ATP8A1: variants seen among roughly 807,000 people sequenced by gnomAD.
ATP8A1 encodes ATPase phospholipid transporting 8A1.
ATP8A1 carries 90 observed loss-of-function variants against 177.7 expected under a neutral mutation model. That is an observed-to-expected ratio of 0.51 (90% confidence interval 0.43 to 0.60). ATP8A1 has a LOEUF of 0.60. ATP8A1 is among the 20% of genes least tolerant of loss of function. The probability of loss-of-function intolerance (pLI) is 0.00; values close to 1 mark genes in which losing one functional copy is unlikely to be tolerated. For missense variants in ATP8A1, 1,072 were observed against 1,392.8 expected, an observed-to-expected ratio of 0.77 and a Z score of 3.67; for synonymous variants, 493 against 485.9, an observed-to-expected ratio of 1.01 and a Z score of -0.19.
chr4:42,458,168 T>C, intron 27 of ATP8A1, among the ~76,000 whole-genome samples: 1 of 152,020 alleles, frequency 6.6e-6, no homozygotes, highest in East Asian at 1.9e-4. Context: ...TTGTAGTTAA[T>C]ATTGGGAACA....
At chr4:42,568,346 A>G (rs1731560783) in intron 15 of ATP8A1, among the ~76,000 whole-genome samples, 1 of 152,252 alleles carries the variant, frequency 6.6e-6, no homozygotes. Context: ...TTCGTCACCA[A>G]ATACATGAGT....
At chr4:42,584,525 A>T (rs1301873387) in intron 9 of ATP8A1, among the ~76,000 whole-genome samples, 1 of 152,082 alleles carries the variant, frequency 6.6e-6, no homozygotes, top group African/African-American at 2.4e-5. Context: ...GCAATGTCAG[A>T]CTCAGTTTTG....
chr4:42,567,926 T>G (rs890227805), intron 15 of ATP8A1, among the ~76,000 whole-genome samples: 1 of 152,186 alleles, frequency 6.6e-6, no homozygotes, highest in Non-Finnish European at 1.5e-5. Flanking sequence ...TTTTAGAGGA[T>G]ATATATATCA....
chr4:42,587,847 A>G (rs1290865527), intron 8 of ATP8A1, among the ~76,000 whole-genome samples: 2 of 151,728 alleles, frequency 1.3e-5, no homozygotes, highest in African/African-American at 4.8e-5. Flanking sequence ...TGACCTTGTG[A>G]TTCACCTGCC....
At chr4:42,644,636 G>C (rs1405944537) in intron 1 of ATP8A1, among the ~76,000 whole-genome samples, 1 of 151,854 alleles carries the variant, frequency 6.6e-6, no homozygotes, top group African/African-American at 2.4e-5. Context: ...AATCCCCAGA[G>C]CGTCAAGTGA....
chr4:42,432,221 A>T (rs1378960421), intron 33 of ATP8A1, among the ~76,000 whole-genome samples: 1 of 152,154 alleles, frequency 6.6e-6, no homozygotes, highest in Non-Finnish European at 1.5e-5. Context: ...AGTACCCCGA[A>T]AACTGGAGAA....
intron 31 of ATP8A1, among the ~76,000 whole-genome samples, chr4:42,446,092 AAAAAAAAGAG>A (rs1188112868): frequency 6.8e-6 from 1 of 148,148 alleles, no homozygotes; most frequent in Non-Finnish European, 1.5e-5. Context: ...AAAAAAAAAA[AAAAAAAAGAG>A]AAGAGATATA....
chr4:42,460,814 G>C (rs142456551), intron 27 of ATP8A1, among the ~76,000 whole-genome samples: 2 of 152,330 alleles, frequency 1.3e-5, no homozygotes, highest in East Asian at 3.9e-4. Flanking sequence ...TCCTTGACAG[G>C]AGTGGGAGAA....
At chr4:42,513,809 CT>C (rs1725248637) in intron 22 of ATP8A1, among the ~76,000 whole-genome samples, 1 of 152,124 alleles carries the variant, frequency 6.6e-6, no homozygotes, top group South Asian at 2.1e-4. Flanking sequence ...TCACTAGTAG[CT>C]GTATGGGGCT....
chr4:42,493,723 C>T (rs1267543142), intron 24 of ATP8A1, among the ~76,000 whole-genome samples: 1 of 152,150 alleles, frequency 6.6e-6, no homozygotes, highest in South Asian at 2.1e-4. Flanking sequence ...GACTTAACTT[C>T]TCTGAATCAC....
intron 24 of ATP8A1, among the ~76,000 whole-genome samples, chr4:42,500,586 G>GA (rs140376642): frequency 0.28 from 41,373 of 149,688 alleles, 5,774 homozygotes; most frequent in South Asian, 0.41. Context: ...TTTCTAAAAA[G>GA]AAAAAAAAAA....
At chr4:42,581,314 C>T (rs571491700) in intron 10 of ATP8A1, among the ~76,000 whole-genome samples, 25 of 152,062 alleles carry the variant, frequency 1.6e-4, no homozygotes, top group South Asian at 4.2e-4. Context: ...TTTGTATTTT[C>T]AGTAGAGACG....
At chr4:42,645,592 T>C (rs920249868) in intron 1 of ATP8A1, among the ~76,000 whole-genome samples, 2 of 152,330 alleles carry the variant, frequency 1.3e-5, no homozygotes, top group African/African-American at 4.8e-5. Context: ...AGAAGCTCCC[T>C]ATCTAATTCA....
intron 14 of ATP8A1, among the ~76,000 whole-genome samples, chr4:42,570,386 A>C (rs1188327970): frequency 6.6e-6 from 1 of 152,242 alleles, no homozygotes; most frequent in East Asian, 1.9e-4. Context: ...CTGCAACTCC[A>C]TGTTTAAAGC....
intron 29 of ATP8A1, 62 bp downstream of exon 29, chr4:42,455,235 T>A: frequency 1.9e-6 from 3 of 1,593,232 alleles, no homozygotes; most frequent in Non-Finnish European, 2.6e-6. Flanking sequence ...ACATACCCCA[T>A]ATAATGAGGG....
intron 5 of ATP8A1, among the ~76,000 whole-genome samples, chr4:42,611,194 C>T (rs1736334013): frequency 6.6e-6 from 1 of 152,156 alleles, no homozygotes; most frequent in Admixed American, 6.5e-5. Context: ...TAGTGGCTAT[C>T]AGCTGTCACT....
intron 15 of ATP8A1, among the ~76,000 whole-genome samples, chr4:42,565,546 C>T (rs1406790116): frequency 6.6e-6 from 1 of 152,204 alleles, no homozygotes; most frequent in Non-Finnish European, 1.5e-5. Flanking sequence ...AAGCACAGAA[C>T]ACTTTAAGGT....
At chr4:42,524,247 A>C (rs1298283142) in intron 21 of ATP8A1, among the ~76,000 whole-genome samples, 2 of 152,136 alleles carry the variant, frequency 1.3e-5, no homozygotes, top group African/African-American at 4.8e-5. Flanking sequence ...GGCCTCACAC[A>C]GAGCCTGGCG....
chr4:42,465,909 G>C (rs374129158), intron 25 of ATP8A1, among the ~76,000 whole-genome samples: 1 of 151,782 alleles, frequency 6.6e-6, no homozygotes, highest in South Asian at 2.1e-4. Context: ...GCGGGCGCCT[G>C]TAGTCCCAGC....
Sources: gnomAD v4.1 joint callset for allele counts (sites outside exome capture counted in the v4.1 genomes callset) on GRCh38, gnomAD v4.1.1 for gene constraint, MANE v1.5 for transcripts, NCBI Gene and HGNC (gene_info 2026-07-23, HGNC 2026-07-21) for gene names.